RORA: variants seen among roughly 807,000 people sequenced by gnomAD.
The protein encoded by RORA is RAR related orphan receptor A, also known as nuclear receptor ROR-alpha.
A neutral mutation model predicts 69.5 loss-of-function variants in RORA; 7 were observed. The observed-to-expected ratio is 0.10, with a 90% CI of 0.06 to 0.19. The LOEUF (loss-of-function observed/expected upper bound fraction) is 0.19, where lower values mean the gene tolerates loss of function less well. RORA is among the 10% of genes least tolerant of loss of function. The pLI is 1.00. For missense variants in RORA, 457 were observed against 663.0 expected (o/e 0.69, Z 3.41); for synonymous variants, 261 against 240.8 (o/e 1.08, Z -0.78).
chr15:61,214,685 G>A (rs2080022334), intron 1 of RORA, among the ~76,000 whole-genome samples: 1 of 152,084 alleles, frequency 6.6e-6, no homozygotes, highest in African/African-American at 2.4e-5. Context: ...GGCCTTGGAG[G>A]CAGCAATCCA....
intron 2 of RORA, among the ~76,000 whole-genome samples, chr15:60,665,411 T>A (rs1190123149): frequency 6.6e-6 from 1 of 152,190 alleles, no homozygotes; most frequent in Non-Finnish European, 1.5e-5. Flanking sequence ...TGCAAACAAA[T>A]GGTGTTCAAG....
intron 1 of RORA, among the ~76,000 whole-genome samples, chr15:61,092,039 A>G (rs1310796552): frequency 2.0e-5 from 3 of 152,242 alleles, no homozygotes; most frequent in Non-Finnish European, 4.4e-5. Flanking sequence ...ATAAAGCTAA[A>G]GTTGGTCTAT....
intron 2 of RORA, chr15:60,593,149 C>T: frequency 3.3e-6 from 1 of 303,552 alleles, no homozygotes; most frequent in Non-Finnish European, 6.5e-6. Context: ...CGGGGGAACT[C>T]CGCCCACCCA....
At position 61,098,084 on chromosome 15, in the gene RORA, C is replaced by T. The variant is rs78508402; in HGVS notation, c.166+130969G>A. Among the ~76,000 whole-genome samples, 258 of 148,564 alleles carry T rather than the reference C, an allele frequency of 1.7e-3. 6 individuals are homozygous for T. In the East Asian group the frequency reaches 0.05, roughly 29 times the overall value. ...TTAATCCTTCCTTCCTTCCCTCCTT[C>T]TCCCCCTCCTTCCTCCTTCCCTCCC... On this transcript the variant is annotated intron_variant, in intron 1 of 10. Transcript: ENST00000335670.
chr15:60,826,788 TC>T (rs1289817737), intron 1 of RORA, among the ~76,000 whole-genome samples: 4 of 90,386 alleles, frequency 4.4e-5, no homozygotes, highest in South Asian at 3.0e-4. Flanking sequence ...TCTCTCTCTC[TC>T]TTTTTTTTTT....
chr15:61,047,758 AT>A (rs1198154185), intron 1 of RORA, among the ~76,000 whole-genome samples: 1 of 152,166 alleles, frequency 6.6e-6, no homozygotes. Flanking sequence ...CCCCCAAATT[AT>A]TTATATATGC....
chr15:61,142,669 A>G (rs2079310713), intron 1 of RORA, among the ~76,000 whole-genome samples: 1 of 152,226 alleles, frequency 6.6e-6, no homozygotes, highest in African/African-American at 2.4e-5. Flanking sequence ...ACCACCAAAT[A>G]GAGCTTATTA....
At chr15:61,218,865 C>T (rs1180734496) in intron 1 of RORA, among the ~76,000 whole-genome samples, 4 of 152,176 alleles carry the variant, frequency 2.6e-5, no homozygotes, top group South Asian at 2.1e-4. Context: ...CATTCACAGA[C>T]TTGATCCTGA....
intron 8 of RORA, 103 bp downstream of exon 8, chr15:60,502,657 T>C (rs952988932): frequency 2.5e-6 from 2 of 791,050 alleles, no homozygotes; most frequent in East Asian, 2.5e-5. Flanking sequence ...TTAATTTTTG[T>C]TTCTAAATAA....
intron 1 of RORA, among the ~76,000 whole-genome samples, chr15:61,057,198 C>G (rs961534121): frequency 1.3e-5 from 2 of 152,160 alleles, no homozygotes; most frequent in Non-Finnish European, 2.9e-5. Flanking sequence ...TGGGCAAGCT[C>G]TTGGAACATC....
intron 2 of RORA, among the ~76,000 whole-genome samples, chr15:60,585,538 C>G (rs2068309139): frequency 6.6e-6 from 1 of 151,952 alleles, no homozygotes; most frequent in South Asian, 2.1e-4. Context: ...AAGAAAAGCT[C>G]TAGATTTAAA....
Position 60,500,960 on chromosome 15 carries a change from T to A in RORA, c.1293A>T (p.Ala431=). 6.5e-7 allele frequency: 1 copy of A among 1,533,372 alleles called. No homozygotes were observed. Among genetic ancestry groups the A allele is most frequent in the Non-Finnish European group, 9.0e-7 (1 of 1,111,068 alleles). The allele number at this position is 1,533,372 out of a possible 1,614,324, so 95.0% of individuals were successfully genotyped here. ...ALFSAFVLMS[A]DRSWLQEKVK... is the part of the protein sequence containing the mutation. ...TTTATTTTTATTTGGTTGTCTTACC[T>A]GCTGACATCAGTACAAATGCAGAAA... The change falls in exon 9 of 11, where the codon GCA becomes GCT. Residue 431 remains alanine (A), a splice_region_variant and synonymous_variant. Coordinates refer to ENST00000335670, the MANE Select transcript of RORA (RefSeq NM_134261.3).
At chr15:60,958,978 C>CA (rs1893344454) in intron 1 of RORA, among the ~76,000 whole-genome samples, 1 of 152,170 alleles carries the variant, frequency 6.6e-6, no homozygotes, top group African/African-American at 2.4e-5. Flanking sequence ...AACTCTCTGC[C>CA]AACAAGCCAG....
chr15:60,786,093 G>T (rs1441064179), intron 1 of RORA, among the ~76,000 whole-genome samples: 1 of 152,226 alleles, frequency 6.6e-6, no homozygotes, highest in African/African-American at 2.4e-5. Context: ...TACGCCAAAA[G>T]ACATGGTTCC....
At chr15:60,599,250 AC>A (rs1435756788) in intron 2 of RORA, among the ~76,000 whole-genome samples, 1 of 152,224 alleles carries the variant, frequency 6.6e-6, no homozygotes, top group Non-Finnish European at 1.5e-5. Context: ...GGACGATAGA[AC>A]ACAGTTGTAA....
intron 1 of RORA, among the ~76,000 whole-genome samples, chr15:61,066,409 G>A (rs987325952): frequency 1.4e-5 from 2 of 145,150 alleles, no homozygotes; most frequent in South Asian, 2.2e-4. Flanking sequence ...GGGAAGACAG[G>A]GCATATTCCT....
At chr15:60,981,943 C>T (rs913562475) in intron 1 of RORA, among the ~76,000 whole-genome samples, 7 of 151,982 alleles carry the variant, frequency 4.6e-5, no homozygotes, top group African/African-American at 1.7e-4. Flanking sequence ...TCAGATTCTC[C>T]CTCCTCTCCA....
intron 1 of RORA, among the ~76,000 whole-genome samples, chr15:60,689,366 C>T (rs551290440): frequency 3.2e-4 from 48 of 152,216 alleles, no homozygotes; most frequent in Admixed American, 5.9e-4. Flanking sequence ...AAGGTGGCCC[C>T]GAGCTTCAGA....
At chr15:60,966,504 G>A (rs1432008182) in intron 1 of RORA, among the ~76,000 whole-genome samples, 1 of 152,154 alleles carries the variant, frequency 6.6e-6, no homozygotes, top group Non-Finnish European at 1.5e-5. Flanking sequence ...AAGAAAGAAG[G>A]GACTGTACCT....
Sources: allele counts gnomAD v4.1 joint callset (sites outside exome capture counted in the v4.1 genomes callset), GRCh38; gene constraint gnomAD v4.1.1; transcripts MANE v1.5; gene names NCBI Gene and HGNC (gene_info 2026-07-23, HGNC 2026-07-21).